Variants in KDM4C observed in about 807,000 individuals in gnomAD.
KDM4C encodes lysine demethylase 4C.
A neutral mutation model predicts 129.3 loss-of-function variants in KDM4C; 81 were observed. The observed-to-expected ratio is 0.63, with a 90% CI of 0.52 to 0.75. The LOEUF (loss-of-function observed/expected upper bound fraction) is 0.75. Ranked by LOEUF, KDM4C falls within the 30% of genes least tolerant of loss-of-function variation. The pLI is 0.00. For missense variants in KDM4C, 1,457 were observed against 1,304.0 expected (o/e 1.12, Z -1.81); for synonymous variants, 573 against 456.1 (o/e 1.26, Z -3.26).
At chr9:6,861,097 T>G (rs1840842226) in intron 5 of KDM4C, among the ~76,000 whole-genome samples, 1 of 152,244 alleles carries the variant, frequency 6.6e-6, no homozygotes, top group Non-Finnish European at 1.5e-5. Context: ...GACTTGAAAC[T>G]AACACATCTA....
intron 1 of KDM4C, among the ~76,000 whole-genome samples, chr9:6,722,478 C>T (rs772646944): frequency 1.4e-4 from 21 of 151,426 alleles, no homozygotes; most frequent in Admixed American, 4.6e-4. Context: ...AGGAGTTTGA[C>T]GCAAGCCTGA....
intron 1 of KDM4C, among the ~76,000 whole-genome samples, chr9:6,730,281 CTTG>C (rs1269584519): frequency 1.3e-5 from 2 of 152,030 alleles, no homozygotes; most frequent in African/African-American, 4.8e-5. Flanking sequence ...ATAGTATGGG[CTTG>C]TTAATAGAAA....
intron 17 of KDM4C, among the ~76,000 whole-genome samples, chr9:7,060,704 A>G (rs1564062703): frequency 6.6e-6 from 1 of 151,166 alleles, no homozygotes; most frequent in Non-Finnish European, 1.5e-5. Context: ...ATGGTCTCAA[A>G]CTCCTGACCT....
intron 8 of KDM4C, among the ~76,000 whole-genome samples, chr9:6,958,404 G>GT (rs1829450524): frequency 6.6e-6 from 1 of 151,944 alleles, no homozygotes; most frequent in South Asian, 2.1e-4. Flanking sequence ...GACCAACATG[G>GT]TGAAACCCTG....
chr9:6,991,921 G>C (rs1079058), intron 12 of KDM4C, among the ~76,000 whole-genome samples: 47,748 of 151,970 alleles, frequency 0.31, 8,155 homozygotes, highest in East Asian at 0.39. Context: ...ATAGTAGTTT[G>C]TATGAAACCA....
intron 17 of KDM4C, among the ~76,000 whole-genome samples, chr9:7,092,047 C>A (rs1399533495): frequency 1.3e-5 from 2 of 152,166 alleles, no homozygotes; most frequent in Non-Finnish European, 2.9e-5. Context: ...GGATCTTATA[C>A]CCAAGCTCTT....
chr9:6,923,240 T>C (rs1440876773), intron 8 of KDM4C, among the ~76,000 whole-genome samples: 3 of 152,078 alleles, frequency 2.0e-5, no homozygotes, highest in Admixed American at 6.5e-5. Flanking sequence ...TTTTTTTTTT[T>C]TTAATCTTAA....
intron 17 of KDM4C, among the ~76,000 whole-genome samples, chr9:7,049,806 T>G (rs1256566756): frequency 6.6e-6 from 1 of 152,120 alleles, no homozygotes; most frequent in African/African-American, 2.4e-5. Flanking sequence ...AACATTGAAG[T>G]AACTTTGTAG....
chr9:7,085,044 G>A (rs1158526600), intron 17 of KDM4C, among the ~76,000 whole-genome samples: 4 of 152,194 alleles, frequency 2.6e-5, no homozygotes, highest in South Asian at 2.1e-4. Context: ...CCAAGATGAA[G>A]GTAAGGTTGG....
At chr9:6,998,562 G>A (rs1365671214) in intron 12 of KDM4C, among the ~76,000 whole-genome samples, 10 of 152,152 alleles carry the variant, frequency 6.6e-5, no homozygotes, top group East Asian at 3.9e-4. Flanking sequence ...TTGGGAGGCC[G>A]AGGCAGGCGG....
chr9:6,901,850 A>G (rs982860818), intron 8 of KDM4C, among the ~76,000 whole-genome samples: 2 of 152,214 alleles, frequency 1.3e-5, no homozygotes, highest in African/African-American at 4.8e-5. Flanking sequence ...AAAACTAAGT[A>G]AGACATGTAG....
At chr9:6,810,835 C>T (rs1026192967) in intron 3 of KDM4C, among the ~76,000 whole-genome samples, 1 of 151,950 alleles carries the variant, frequency 6.6e-6, no homozygotes, top group Non-Finnish European at 1.5e-5. Context: ...TGCACCATTG[C>T]CCCCGAGCCT....
At chr9:7,117,113 A>T (rs1019872688) in intron 18 of KDM4C, among the ~76,000 whole-genome samples, 1 of 152,232 alleles carries the variant, frequency 6.6e-6, no homozygotes, top group Non-Finnish European at 1.5e-5. Context: ...TTCAAAAGTT[A>T]TAGAACATTC....
In KDM4C at chr9:6,844,425, A is replaced by T. The variant is rs1837497618; in HGVS notation, c.436-5082A>T. On this transcript the variant is annotated intron_variant, in intron 4 of 21. Coordinates refer to ENST00000381309, the MANE Select transcript of KDM4C (RefSeq NM_015061.6). Reference sequence around the variant, plus strand: ...AGTAATTTTTTGTTTTACTGACTTAAACATTTGCACTACAGTGTTTAGGGA... The same window carrying T: ...AGTAATTTTTTGTTTTACTGACTTATACATTTGCACTACAGTGTTTAGGGA... 2.0e-5 allele frequency among the ~76,000 whole-genome samples: 3 copies of T among 152,178 alleles called. No individual in the cohort carries two copies. In the South Asian group the frequency reaches 6.2e-4, roughly 32 times the overall value.
intron 8 of KDM4C, among the ~76,000 whole-genome samples, chr9:6,915,046 C>T (rs1820051250): frequency 6.6e-6 from 1 of 152,166 alleles, no homozygotes; most frequent in Admixed American, 6.5e-5. Context: ...ATTTGAAATT[C>T]TCGAGTTAGT....
intron 8 of KDM4C, among the ~76,000 whole-genome samples, chr9:6,958,040 T>C (rs949381937): frequency 2.0e-5 from 3 of 151,500 alleles, no homozygotes; most frequent in Admixed American, 6.6e-5. Flanking sequence ...TGTAGACATA[T>C]AAACATTAGT....
At position 7,128,167 on chromosome 9, in the gene KDM4C, G is replaced by T. The variant is rs778553770; in HGVS notation, c.2712G>T (p.Ser904=). ...GTTGCAGAGTGATGGCTGTGACATC[G>T]CAGACCTTCTATGAGGTCATGTTTG... ...YYSCRVMAVT[S]QTFYEVMFDD... Residue 904 remains serine (S), a synonymous_variant, in exon 19 of 22, where the codon TCG becomes TCT. Transcript: ENST00000381309. 4 of 1,612,510 alleles carry T rather than the reference G, an allele frequency of 2.5e-6. No individual in the cohort carries two copies. The African/African-American group carries it at 5.4e-5, about 22-fold the overall frequency.
At chr9:6,999,820 T>C (rs985927128) in intron 12 of KDM4C, among the ~76,000 whole-genome samples, 1 of 152,218 alleles carries the variant, frequency 6.6e-6, no homozygotes, top group African/African-American at 2.4e-5. Flanking sequence ...TTCTTTTCCC[T>C]GCCAGTTTTG....
At chr9:6,965,847 C>G (rs1023008237) in intron 8 of KDM4C, among the ~76,000 whole-genome samples, 30 of 152,164 alleles carry the variant, frequency 2.0e-4, no homozygotes, top group African/African-American at 7.0e-4. Flanking sequence ...TAGAAACACC[C>G]TTACAGAAAC....
Sources: gnomAD v4.1 joint callset for allele counts (sites outside exome capture counted in the v4.1 genomes callset) on GRCh38, gnomAD v4.1.1 for gene constraint, MANE v1.5 for transcripts, NCBI Gene and HGNC (gene_info 2026-07-23, HGNC 2026-07-21) for gene names.